Variants in GRIK5 observed in about 807,000 individuals in gnomAD.
The protein encoded by GRIK5 is glutamate ionotropic receptor kainate type subunit 5.
In GRIK5, 43 loss-of-function variants were observed where a neutral mutation model predicts 97.4. The ratio of observed to expected loss-of-function variants is 0.44; its 90% CI spans 0.35 to 0.57. The LOEUF (loss-of-function observed/expected upper bound fraction) is 0.57, where lower values mean the gene tolerates loss of function less well. Among genes scored for constraint, GRIK5 ranks in the 20% least tolerant of loss-of-function variants. The pLI is 0.01. For missense variants in GRIK5, 1,015 were observed against 1,382.0 expected (o/e 0.73, Z 4.21); for synonymous variants, 580 against 583.5 (o/e 0.99, Z 0.09).
chr19:42,021,301 C>T lies in GRIK5; in HGVS notation c.1871G>A (p.Trp624Ter). The T allele has an allele frequency of 1.2e-6, 2 of 1,611,310 alleles. No individual in the cohort carries two copies. Among genetic ancestry groups the T allele is most frequent in the Non-Finnish European group, 1.7e-6 (2 of 1,179,380 alleles). ...ALSTRCVSGVWWAFTLIIISS... is the reference protein window; with the variant it reads ...ALSTRCVSGV ...CAGAGGCAGATAGAAAGCTTCTCAC[C>T]AGACTCCGCTGACACAGCGCGTGGA... Residue 624 changes from tryptophan to a stop codon, truncating the protein, a stop_gained and splice_region_variant, in exon 15 of 20, where the codon TGG (tryptophan) becomes TAG (stop). Coordinates refer to ENST00000593562, the MANE Select transcript of GRIK5 (RefSeq NM_002088.5). LOFTEE classifies it high-confidence loss of function. The surrounding 1 kb of genome is among the most constrained non-coding windows in gnomAD (Gnocchi z 4.2).
intron 6 of GRIK5, among the ~76,000 whole-genome samples, 200 bp from the exon 7 acceptor site, chr19:42,057,178 T>A (rs1459400924): frequency 6.6e-6 from 1 of 152,064 alleles, no homozygotes; most frequent in Non-Finnish European, 1.5e-5. Context: ...GAGGCCTTAG[T>A]CCCTGGTGTC....
chr19:42,007,640 G>A (rs1469847084), intron 15 of GRIK5, among the ~76,000 whole-genome samples: 9 of 152,162 alleles, frequency 5.9e-5, no homozygotes, highest in African/African-American at 2.2e-4. Flanking sequence ...GGAGGATTCA[G>A]AAACCGGTGG....
chr19:42,054,476 C>T lies in GRIK5; in HGVS notation c.904-4G>A, dbSNP rs373699450. ...CAAACATCAGGGCGGCTGACAGCTG[C>T]GGTGGGACAGAGGCGGGGGTGGGAT... On this transcript the variant is annotated splice_polypyrimidine_tract_variant and splice_region_variant and intron_variant, in intron 8 of 19. Transcript: ENST00000593562. 212 of 1,611,354 alleles carry T rather than the reference C, an allele frequency of 1.3e-4. 1 individual carries two copies. The African/African-American group carries it at 2.1e-3, about 16-fold the overall frequency.
chr19:42,007,337 C>T (rs2146019820), intron 15 of GRIK5, among the ~76,000 whole-genome samples: 1 of 152,240 alleles, frequency 6.6e-6, no homozygotes, highest in South Asian at 2.1e-4. Flanking sequence ...TCAGGTGATC[C>T]ACCTGCCTCA....
intron 12 of GRIK5, among the ~76,000 whole-genome samples, chr19:42,028,460 TC>T (rs1599782215): frequency 1.3e-5 from 2 of 152,192 alleles, no homozygotes; most frequent in Admixed American, 1.3e-4. Flanking sequence ...GAGGGATTGC[TC>T]CTTCCTGTCT....
intron 11 of GRIK5, among the ~76,000 whole-genome samples, chr19:42,051,825 C>A (rs2146135571): frequency 1.3e-5 from 2 of 152,326 alleles, no homozygotes; most frequent in South Asian, 4.1e-4. Flanking sequence ...CCCAAAACCC[C>A]AGCTCCTGCC....
intron 11 of GRIK5, among the ~76,000 whole-genome samples, chr19:42,044,233 G>A (rs2076015645): frequency 2.0e-5 from 3 of 152,162 alleles, no homozygotes; most frequent in Admixed American, 2.0e-4. Context: ...CTGAACCTGT[G>A]AGTCAATTAA....
At chr19:42,050,550 C>T (rs1225042107) in intron 11 of GRIK5, among the ~76,000 whole-genome samples, 1 of 150,612 alleles carries the variant, frequency 6.6e-6, no homozygotes, top group African/African-American at 2.4e-5. Context: ...CCCAGCTACT[C>T]GGGACACTGA....
rs1479260617 is a variant in GRIK5, at chr19:42,021,789, A to G, written c.1697+158T>C. Among the ~76,000 whole-genome samples the G allele has an allele frequency of 1.3e-5, 2 of 152,194 alleles. No individual in the cohort carries two copies. The highest frequency in any genetic ancestry group is 2.9e-5 in the Non-Finnish European group (2 of 68,016). Reference sequence around the variant, plus strand: ...AGCCACAAGGGGAAGAATGAGACTCAGACACAGGGCACAAAACTGAGAAAG... The same window carrying G: ...AGCCACAAGGGGAAGAATGAGACTCGGACACAGGGCACAAAACTGAGAAAG... On this transcript the variant is annotated intron_variant, in intron 14 of 19. Coordinates refer to ENST00000593562, the MANE Select transcript of GRIK5 (RefSeq NM_002088.5). The surrounding 1 kb of genome is among the most constrained non-coding windows in gnomAD (Gnocchi z 4.2).
Position 42,021,235 on chromosome 19 carries a change from A to T in GRIK5, c.1871+66T>A. 7.5e-7 allele frequency: 1 copy of T among 1,329,528 alleles called. No individual in the cohort carries two copies. The highest frequency in any genetic ancestry group is 1.0e-6 in the Non-Finnish European group (1 of 956,218). 82.4% of individuals were successfully genotyped at this position (1,329,528 alleles called of 1,614,324 possible). A position where few individuals can be genotyped will look rare whatever the true frequency, so the allele number is the denominator to read the frequency against. ...TCTTCCAGGAGATGCCACAGCCCCA[A>T]CCCCATCCAGGCCTCAGATGGGTCC... is the stretch of plus-strand genomic sequence containing the variant. On this transcript the variant is annotated intron_variant, in intron 15 of 19. Coordinates refer to ENST00000593562, the MANE Select transcript of GRIK5 (RefSeq NM_002088.5). The surrounding 1 kb of genome is among the most constrained non-coding windows in gnomAD (Gnocchi z 4.2).
chr19:42,056,761 G>C lies in GRIK5; in HGVS notation c.804C>G (p.Ser268=), dbSNP rs752192168. The C allele has an allele frequency of 7.4e-6, 12 of 1,613,930 alleles. No individual in the cohort carries two copies. The highest frequency in any genetic ancestry group is 6.7e-5 in the Admixed American group (4 of 60,000). The change falls in exon 8 of 20, where the codon TCC becomes TCG. Residue 268 remains serine, a synonymous_variant. Transcript: ENST00000593562. ...VEDSSNILGF[S]MFNTSHPFYP... is the part of the protein sequence containing the mutation. ...AGAAGGGGTGGGACGTGTTGAACAT[G>C]GAGAAGCCCAGGATGTTGGAGGAGT...
At chr19:42,000,488 G>T (rs2075415197) in intron 19 of GRIK5, among the ~76,000 whole-genome samples, 1 of 152,204 alleles carries the variant, frequency 6.6e-6, no homozygotes, top group Admixed American at 6.5e-5. Context: ...GCAACTGGAA[G>T]GACCAAATTG....
chr19:42,048,549 G>A (rs2076072448), intron 11 of GRIK5, among the ~76,000 whole-genome samples: 1 of 152,180 alleles, frequency 6.6e-6, no homozygotes, highest in Admixed American at 6.5e-5. Context: ...GAACCGAGGA[G>A]GCAGAGCTTG....
chr19:42,044,878 C>T (rs1293978381), intron 11 of GRIK5, among the ~76,000 whole-genome samples: 3 of 152,180 alleles, frequency 2.0e-5, no homozygotes, highest in Non-Finnish European at 4.4e-5. Context: ...GCTCAGGTTG[C>T]GGTGAGCCGA....
chr19:42,056,861 C>T, intron 7 of GRIK5, 38 bp from the exon 8 acceptor site: 3 of 1,613,378 alleles, frequency 1.9e-6, no homozygotes, highest in Non-Finnish European at 1.7e-6. Context: ...TGGGGCTAAG[C>T]CCTAATGGGA....
intron 9 of GRIK5, among the ~76,000 whole-genome samples, 181 bp downstream of exon 9, chr19:42,054,139 G>C (rs2146143507): frequency 6.6e-6 from 1 of 152,192 alleles, no homozygotes; most frequent in Admixed American, 6.5e-5. Context: ...AAGAGGGCAA[G>C]ACTCAGAAAG....
Position 42,021,180 on chromosome 19 carries a change from C to G in GRIK5, c.1871+121G>C, listed in dbSNP as rs2075691127. The G allele has an allele frequency of 2.5e-6, 2 of 799,778 alleles. No individual in the cohort carries two copies. Among genetic ancestry groups the G allele is most frequent in the African/African-American group, 3.5e-5 (2 of 57,392 alleles). 49.5% of individuals were successfully genotyped at this position (799,778 alleles called of 1,614,324 possible). A position where few individuals can be genotyped will look rare whatever the true frequency, so the allele number is the denominator to read the frequency against. On this transcript the variant is annotated intron_variant, in intron 15 of 19. Transcript: ENST00000593562. This position sits in a 1 kb window ranked among gnomAD's most constrained non-coding sequence, Gnocchi z 4.2. ...TCTCCCCACCCCATTCCTCGTCACA[C>G]AGCTCTGCAAGGGAAAACGGGGAAT...
At position 42,059,510 on chromosome 19, in the gene GRIK5, C is replaced by A; in HGVS notation, c.526G>T (p.Glu176Ter). The change falls in exon 6 of 20, where the codon GAA becomes TAA. Residue 176 changes from glutamate to a stop codon, truncating the protein, a stop_gained. Coordinates refer to ENST00000593562, the MANE Select transcript of GRIK5 (RefSeq NM_002088.5). LOFTEE classifies it high-confidence loss of function. ...AKAECLLRLE[E>*]LVRGFLISKE... Reference sequence around the variant, plus strand: ...GAGATGAGGAAGCCACGCACCAGTTCCTCCAATCGCAGCAGGCCTGAGGGA... The same window carrying A: ...GAGATGAGGAAGCCACGCACCAGTTACTCCAATCGCAGCAGGCCTGAGGGA... The A allele has an allele frequency of 6.2e-7, 1 of 1,612,980 alleles. No homozygotes were observed. The highest frequency in any genetic ancestry group is 8.5e-7 in the Non-Finnish European group (1 of 1,179,846).
intron 8 of GRIK5, among the ~76,000 whole-genome samples, chr19:42,055,428 T>G (rs2076170095): frequency 6.6e-6 from 1 of 152,254 alleles, no homozygotes; most frequent in South Asian, 2.1e-4. Context: ...CACATAAATA[T>G]GCATCTTTTG....
Sources: allele counts gnomAD v4.1 joint callset (sites outside exome capture counted in the v4.1 genomes callset), GRCh38; gene constraint gnomAD v4.1.1; non-coding constraint Gnocchi (gnomAD v3.1); transcripts MANE v1.5; gene names NCBI Gene and HGNC (gene_info 2026-07-23, HGNC 2026-07-21).